PRDM15: variants seen among roughly 807,000 people sequenced by gnomAD.
The protein encoded by PRDM15 is PR domain zinc finger protein 15.
A neutral mutation model predicts 128.6 loss-of-function variants in PRDM15; 64 were observed. The observed-to-expected ratio is 0.50, with a 90% CI of 0.41 to 0.61. The LOEUF is 0.61. PRDM15 is among the 20% of genes least tolerant of loss of function. The pLI, the probability that PRDM15 is intolerant of heterozygous loss-of-function variation, is 0.00. For synonymous variants in PRDM15, 615 were observed against 621.8 expected, an observed-to-expected ratio of 0.99 and a Z score of 0.16; for missense variants, 1,242 against 1,569.1, an observed-to-expected ratio of 0.79 and a Z score of 3.52.
At chr21:41,823,850 A>C (rs986529077) in intron 13 of PRDM15, among the ~76,000 whole-genome samples, 3 of 152,212 alleles carry the variant, frequency 2.0e-5, no homozygotes, top group Admixed American at 1.3e-4. Flanking sequence ...TGGCTTTTAT[A>C]CTGTGTTTAA....
chr21:41,851,550 C>T (rs1015250505), intron 5 of PRDM15, among the ~76,000 whole-genome samples: 1 of 152,172 alleles, frequency 6.6e-6, no homozygotes, highest in Non-Finnish European at 1.5e-5. Context: ...GGGTGAGAGG[C>T]AGTGTGTGTG....
chr21:41,806,018 T>C (rs201117212), intron 21 of PRDM15, among the ~76,000 whole-genome samples: 8,014 of 25,994 alleles, frequency 0.31, 276 homozygotes, highest in Admixed American at 0.38. Flanking sequence ...ACCACCACCA[T>C]CACCACCACC....
At position 41,828,158 on chromosome 21, in the gene PRDM15, G is replaced by A. The variant is rs557544773; in HGVS notation, c.1534+8C>T. ...CCCCGCCCGCAGCAGGTGCGCAGGC[G>A]GCCTCACCTTCCAGGTGCCGGCGCT... is the stretch of plus-strand genomic sequence containing the variant. On this transcript the variant is annotated splice_region_variant and intron_variant, in intron 12 of 23. Transcript: ENST00000398548. This position sits in a 1 kb window ranked among gnomAD's most constrained non-coding sequence, Gnocchi z 5.7. 1.2e-5 allele frequency: 19 copies of A among 1,612,856 alleles called. No individual in the cohort carries two copies. The highest frequency in any genetic ancestry group is 2.7e-5 in the African/African-American group (2 of 74,968).
intron 21 of PRDM15, among the ~76,000 whole-genome samples, chr21:41,809,925 G>A (rs945754371): frequency 6.6e-6 from 1 of 152,216 alleles, no homozygotes; most frequent in Non-Finnish European, 1.5e-5. Context: ...CAGGGAGGAC[G>A]TAATTTATAA....
intron 1 of PRDM15, among the ~76,000 whole-genome samples, chr21:41,866,813 G>A (rs1028219663): frequency 2.6e-5 from 4 of 152,102 alleles, no homozygotes; most frequent in Middle Eastern, 3.2e-3. Context: ...GGGTGCGACC[G>A]GGGCCTGCAC....
At chr21:41,865,019 C>A (rs1159127617) in intron 1 of PRDM15, among the ~76,000 whole-genome samples, 2 of 150,344 alleles carry the variant, frequency 1.3e-5, no homozygotes, top group Non-Finnish European at 3.0e-5. Context: ...CTCCTCAGTC[C>A]CCACTCCCCA....
At chr21:41,857,509 A>T (rs1485525023) in intron 3 of PRDM15, among the ~76,000 whole-genome samples, 180 bp from the exon 4 acceptor site, 1 of 152,192 alleles carries the variant, frequency 6.6e-6, no homozygotes, top group Non-Finnish European at 1.5e-5. Context: ...TAATCCCAGC[A>T]TGCACTTTGG....
chr21:41,824,373 A>G (rs1381132192), intron 13 of PRDM15, among the ~76,000 whole-genome samples: 1 of 152,232 alleles, frequency 6.6e-6, no homozygotes, highest in Non-Finnish European at 1.5e-5. Context: ...TGCAGATGTC[A>G]TGGTCTTTAC....
At chr21:41,829,213 C>A (rs919688266) in intron 11 of PRDM15, among the ~76,000 whole-genome samples, 10 of 110,424 alleles carry the variant, frequency 9.1e-5, no homozygotes, top group African/African-American at 3.9e-4. Flanking sequence ...ACATACATGT[C>A]ACACACACCA....
At position 41,825,856 on chromosome 21, in the gene PRDM15, C is replaced by A. The variant is rs77948159; in HGVS notation, c.1629+104G>T. On this transcript the variant is annotated intron_variant, in intron 13 of 23. Coordinates refer to ENST00000398548, the MANE Select transcript of PRDM15 (RefSeq NM_001040424.3). The stretch of plus-strand genomic sequence containing the variant: ...CAACCTGAGCACCCATCGTTACCCC[C>A]CAAATCTTCCCTGCAATATTCTATA... 1,773 of 916,662 alleles carry A rather than the reference C, an allele frequency of 1.9e-3. 28 individuals carry two copies. The African/African-American group carries it at 0.026, about 13-fold the overall frequency. 56.8% of individuals were successfully genotyped at this position (916,662 alleles called of 1,614,324 possible). A position where few individuals can be genotyped will look rare whatever the true frequency, so the allele number is the denominator to read the frequency against.
intron 1 of PRDM15, among the ~76,000 whole-genome samples, chr21:41,872,508 T>G (rs1365478454): frequency 6.6e-6 from 1 of 152,222 alleles, no homozygotes; most frequent in African/African-American, 2.4e-5. Flanking sequence ...TTTAATTGAT[T>G]TTTTATATTT....
At position 41,874,525 on chromosome 21, in the gene PRDM15, A is replaced by ATATTTTTTT; in HGVS notation, c.-10+4744_-10+4745insAAAAAAATA. On this transcript the variant is annotated intron_variant, in intron 1 of 23. Transcript: ENST00000398548. ...TGCATATATATATATATATATATAT[A>ATATTTTTTT]TTTTTTTTTTTTTTTGAAACTTACA... Among the ~76,000 whole-genome samples the ATATTTTTTT allele has an allele frequency of 4.7e-3, 446 of 95,752 alleles. 3 individuals are homozygous for ATATTTTTTT. The highest frequency in any genetic ancestry group is 8.2e-3 in the African/African-American group (197 of 24,090). 62.8% of individuals were successfully genotyped at this position (95,752 alleles called of 152,430 possible).
At chr21:41,814,047 C>A (rs1459004781) in intron 19 of PRDM15, 3 of 145,084 alleles carry the variant, frequency 2.1e-5, no homozygotes, top group Non-Finnish European at 4.5e-5. Flanking sequence ...TTAGTGATTG[C>A]GCAGGGTGCT....
intron 13 of PRDM15, 37 bp downstream of exon 13, chr21:41,825,923 T>TTC (rs1362024847): frequency 1.4e-6 from 2 of 1,459,054 alleles, no homozygotes; most frequent in African/African-American, 2.8e-5. Context: ...ATGATGTGCT[T>TTC]TCCATCTCAG....
chr21:41,856,261 CCCTTCCTT>C (rs146658997), intron 4 of PRDM15, among the ~76,000 whole-genome samples: 2 of 27,340 alleles, frequency 7.3e-5, no homozygotes, highest in South Asian at 2.0e-3. Flanking sequence ...TCCCTCCCCT[CCCTTCCTT>C]CCTTCCCTCC....
chr21:41,837,610 G>C (rs2062937649), intron 8 of PRDM15, among the ~76,000 whole-genome samples: 1 of 152,160 alleles, frequency 6.6e-6, no homozygotes, highest in African/African-American at 2.4e-5. Flanking sequence ...CAGATGGATG[G>C]GGGAGATGAT....
rs201579105 is a variant in PRDM15, at chr21:41,819,566, C to T, written c.2260+16G>A. On this transcript the variant is annotated intron_variant, in intron 18 of 23. Coordinates refer to ENST00000398548, the MANE Select transcript of PRDM15 (RefSeq NM_001040424.3). Reference sequence around the variant, plus strand: ...CCTGGCTGAGCCTGGCCCATGTCCCCAGCACCCGTACCCACCTTTCCCACA... The same window carrying T: ...CCTGGCTGAGCCTGGCCCATGTCCCTAGCACCCGTACCCACCTTTCCCACA... 1 of 1,609,492 alleles carries T rather than the reference C, an allele frequency of 6.2e-7. No individual in the cohort carries two copies. The highest frequency in any genetic ancestry group is 8.5e-7 in the Non-Finnish European group (1 of 1,178,402).
chr21:41,824,134 A>T (rs1426840971), intron 13 of PRDM15, among the ~76,000 whole-genome samples: 2 of 150,720 alleles, frequency 1.3e-5, no homozygotes, highest in Non-Finnish European at 3.0e-5. Context: ...GCGGCCACGT[A>T]ATCCGGGGTG....
chr21:41,806,785 C>T (rs1374047778), intron 21 of PRDM15, among the ~76,000 whole-genome samples: 3 of 151,024 alleles, frequency 2.0e-5, no homozygotes, highest in Non-Finnish European at 3.0e-5. Flanking sequence ...ACTTCCATCA[C>T]CATTACCACC....
Sources: allele counts gnomAD v4.1 joint callset (sites outside exome capture counted in the v4.1 genomes callset), GRCh38; gene constraint gnomAD v4.1.1; non-coding constraint Gnocchi (gnomAD v3.1); transcripts MANE v1.5; gene names NCBI Gene and HGNC (gene_info 2026-07-23, HGNC 2026-07-21).